ELAVL4: variants seen among roughly 807,000 people sequenced by gnomAD.
ELAVL4 encodes the protein ELAV like RNA binding protein 4.
Under a neutral mutation model 35.6 loss-of-function variants are expected in ELAVL4, and 1 was observed. That is an observed-to-expected ratio of 0.03 (90% CI 0.01 to 0.13). The LOEUF (loss-of-function observed/expected upper bound fraction) is 0.13, where lower values mean the gene tolerates loss of function less well. ELAVL4 is among the 10% of genes least tolerant of loss of function. ELAVL4 has a pLI of 1.00. For synonymous variants in ELAVL4, 156 were observed against 171.0 expected, an observed-to-expected ratio of 0.91 and a Z score of 0.69; for missense variants, 267 against 464.9, an observed-to-expected ratio of 0.57 and a Z score of 3.91.
At chr1:50,133,599 A>AAAAAGAAAGAAAGAAAGAAAG (rs1553174454) in intron 1 of ELAVL4, among the ~76,000 whole-genome samples, 1 of 129,176 alleles carries the variant, frequency 7.7e-6, no homozygotes, top group African/African-American at 2.9e-5. Context: ...AGAAAGAAAG[A>AAAAAGAAAGAAAGAAAGAAAG]AAAGAAAGAA....
chr1:50,116,591 C>A (rs1668003252), intron 1 of ELAVL4, among the ~76,000 whole-genome samples: 1 of 151,054 alleles, frequency 6.6e-6, no homozygotes, highest in African/African-American at 2.4e-5. Flanking sequence ...CTGAGTTGAA[C>A]TTTTTTTTTC....
intron 3 of ELAVL4, among the ~76,000 whole-genome samples, chr1:50,188,094 CA>C (rs969550323): frequency 4.1e-4 from 60 of 146,264 alleles, no homozygotes; most frequent in African/African-American, 5.2e-4. Context: ...GACTTGGTCT[CA>C]AAAAAAAAAA....
intron 3 of ELAVL4, among the ~76,000 whole-genome samples, chr1:50,187,713 T>C (rs904232644): frequency 2.6e-5 from 4 of 152,146 alleles, no homozygotes; most frequent in Admixed American, 2.0e-4. Flanking sequence ...ACAGAAAAGA[T>C]GGCCCTGGGG....
chr1:50,192,868 A>G (rs1394190177), intron 3 of ELAVL4, among the ~76,000 whole-genome samples: 2 of 152,222 alleles, frequency 1.3e-5, no homozygotes, highest in Non-Finnish European at 2.9e-5. Flanking sequence ...TGCTTTGCTT[A>G]TGTGTACTGC....
intron 1 of ELAVL4, among the ~76,000 whole-genome samples, chr1:50,143,928 C>T (rs1170383827): frequency 6.6e-6 from 1 of 152,130 alleles, no homozygotes; most frequent in Non-Finnish European, 1.5e-5. Context: ...CCATGTTTGT[C>T]ATTCCATACA....
At chr1:50,137,725 T>A (rs1449146349) in intron 1 of ELAVL4, among the ~76,000 whole-genome samples, 1 of 152,140 alleles carries the variant, frequency 6.6e-6, no homozygotes, top group Non-Finnish European at 1.5e-5. Context: ...AGTAAATTAA[T>A]GAATTCTGAG....
chr1:50,086,524 A>G (rs1665252461), intron 1 of ELAVL4, among the ~76,000 whole-genome samples: 1 of 151,332 alleles, frequency 6.6e-6, no homozygotes, highest in African/African-American at 2.4e-5. Flanking sequence ...GCCTCCTGGA[A>G]TAGTATGCGG....
chr1:50,102,631 T>G (rs917328204), upstream of ELAVL4, among the ~76,000 whole-genome samples: 3 of 152,256 alleles, frequency 2.0e-5, no homozygotes, highest in Non-Finnish European at 4.4e-5. Flanking sequence ...TTTAATGGTA[T>G]GAATAGCTAC....
intron 3 of ELAVL4, among the ~76,000 whole-genome samples, chr1:50,185,048 A>G (rs1366711514): frequency 5.9e-5 from 9 of 152,240 alleles, no homozygotes; most frequent in Non-Finnish European, 1.3e-4. Flanking sequence ...ATGGCTACCT[A>G]TATTAGACAG....
chr1:50,145,842 C>T (rs1319688418), intron 2 of ELAVL4, among the ~76,000 whole-genome samples: 1 of 152,194 alleles, frequency 6.6e-6, no homozygotes, highest in African/African-American at 2.4e-5. Context: ...AATCAACACC[C>T]TATACAACTT....
At chr1:50,069,192 G>A (rs1664400765) in intron 1 of ELAVL4, among the ~76,000 whole-genome samples, 1 of 152,138 alleles carries the variant, frequency 6.6e-6, no homozygotes, top group South Asian at 2.1e-4. Context: ...TAAGAGGACT[G>A]CCTGCTTTGG....
At chr1:50,183,930 C>T (rs1051765050) in intron 3 of ELAVL4, among the ~76,000 whole-genome samples, 1 of 152,154 alleles carries the variant, frequency 6.6e-6, no homozygotes, top group South Asian at 2.1e-4. Context: ...CTCTCCTCCT[C>T]CATTACCGCT....
intron 3 of ELAVL4, among the ~76,000 whole-genome samples, chr1:50,193,317 G>A (rs1462960763): frequency 6.6e-6 from 1 of 151,454 alleles, no homozygotes; most frequent in East Asian, 1.9e-4. Context: ...AGGGGATGGG[G>A]GTAGGGAGGG....
chr1:50,068,591 A>C (rs1367472494), intron 1 of ELAVL4, among the ~76,000 whole-genome samples: 1 of 152,184 alleles, frequency 6.6e-6, no homozygotes, highest in Non-Finnish European at 1.5e-5. Context: ...TCTGGCATGT[A>C]GTAGATGATC....
chr1:50,049,966 C>T (rs945726108), intron 1 of ELAVL4, among the ~76,000 whole-genome samples: 8 of 152,190 alleles, frequency 5.3e-5, no homozygotes, highest in African/African-American at 2.4e-5. Flanking sequence ...ACTAATTCCT[C>T]TACTTACTGT....
chr1:50,120,711 A>G (rs1040616702), intron 1 of ELAVL4, among the ~76,000 whole-genome samples: 1 of 152,064 alleles, frequency 6.6e-6, no homozygotes, highest in Non-Finnish European at 1.5e-5. Context: ...GATGATGCTC[A>G]TTGGTGAAGT....
intron 1 of ELAVL4, among the ~76,000 whole-genome samples, chr1:50,050,551 A>T (rs1663299989): frequency 6.6e-6 from 1 of 152,220 alleles, no homozygotes; most frequent in Admixed American, 6.5e-5. Context: ...CTAATTCTGC[A>T]TAATAGCATA....
intron 2 of ELAVL4, among the ~76,000 whole-genome samples, chr1:50,148,692 G>T (rs1369995507): frequency 1.3e-5 from 2 of 152,204 alleles, no homozygotes; most frequent in East Asian, 1.9e-4. Flanking sequence ...TCATCTACCT[G>T]CAGCCTCTGC....
chr1:50,186,029 G>A (rs1249936361), intron 3 of ELAVL4, among the ~76,000 whole-genome samples: 1 of 152,034 alleles, frequency 6.6e-6, no homozygotes, highest in Non-Finnish European at 1.5e-5. Flanking sequence ...AGAGAACTTA[G>A]TACGTACTAA....
Sources: gnomAD v4.1 joint callset for allele counts (sites outside exome capture counted in the v4.1 genomes callset) on GRCh38, gnomAD v4.1.1 for gene constraint, MANE v1.5 for transcripts, NCBI Gene and HGNC (gene_info 2026-07-23, HGNC 2026-07-21) for gene names.